The following FNDC4 variants were observed in gnomAD, a reference collection of about 807,000 sequenced individuals.
FNDC4 encodes fibronectin type III domain-containing protein 4.
Under a neutral mutation model 25.1 loss-of-function variants are expected in FNDC4, and 11 were observed. That is an observed-to-expected ratio of 0.44 (90% CI 0.28 to 0.73). FNDC4 has a LOEUF of 0.73. FNDC4 is among the 30% of genes least tolerant of loss of function. The probability of loss-of-function intolerance (pLI) is 0.16; values close to 1 mark genes in which losing one functional copy is unlikely to be tolerated. For synonymous variants in FNDC4, 136 were observed against 118.8 expected, an observed-to-expected ratio of 1.14 and a Z score of -0.94; for missense variants, 250 against 304.3, an observed-to-expected ratio of 0.82 and a Z score of 1.33.
At position 27,494,746 on chromosome 2, in the gene FNDC4, A is replaced by G. The variant is rs1186044213; in HGVS notation, c.-24-43T>C. On this transcript the variant is annotated intron_variant, in intron 1 of 6. Coordinates refer to ENST00000264703, the MANE Select transcript of FNDC4 (RefSeq NM_022823.3). This position sits in a 1 kb window ranked among gnomAD's most constrained non-coding sequence, Gnocchi z 4.6. ...TGTGGGGGGTCAAGGACTGCCCAGA[A>G]CGCACGGAGGTCGGGGGGCAGCAGC... is the stretch of plus-strand genomic sequence containing the variant. 2 of 1,156,394 alleles carry G rather than the reference A, an allele frequency of 1.7e-6. No individual in the cohort carries two copies. Among genetic ancestry groups the G allele is most frequent in the African/African-American group, 3.1e-5 (2 of 64,178 alleles). 71.6% of individuals were successfully genotyped at this position (1,156,394 alleles called of 1,614,324 possible).
Sources: gnomAD v4.1 joint callset for allele counts on GRCh38, gnomAD v4.1.1 for gene constraint, Gnocchi (gnomAD v3.1) non-coding constraint, MANE v1.5 for transcripts, NCBI Gene and HGNC (gene_info 2026-07-23, HGNC 2026-07-21) for gene names.